Variants in PTPRM observed in about 807,000 individuals in gnomAD.
PTPRM encodes the protein receptor-type tyrosine-protein phosphatase mu.
Under a neutral mutation model 186.7 loss-of-function variants are expected in PTPRM, and 47 were observed. That is an observed-to-expected ratio of 0.25 (90% confidence interval 0.20 to 0.32). The LOEUF (loss-of-function observed/expected upper bound fraction) is 0.32, where lower values mean the gene tolerates loss of function less well. Ranked by LOEUF, PTPRM falls within the 10% of genes least tolerant of loss-of-function variation. PTPRM has a pLI of 1.00. For missense variants in PTPRM, 1,494 were observed against 1,865.0 expected (o/e 0.80, Z 3.66); for synonymous variants, 668 against 674.9 (o/e 0.99, Z 0.16).
At chr18:8,363,066 G>T (rs1371686298) in intron 23 of PTPRM, among the ~76,000 whole-genome samples, 1 of 152,222 alleles carries the variant, frequency 6.6e-6, no homozygotes, top group Non-Finnish European at 1.5e-5. Flanking sequence ...GGCTCTGCTT[G>T]TCATGCGCTT....
At position 7,839,040 on chromosome 18, in the gene PTPRM, C is replaced by G. The variant is rs138027039; in HGVS notation, c.197-49066C>G. On this transcript the variant is annotated intron_variant, in intron 2 of 32. Coordinates refer to ENST00000580170, the MANE Select transcript of PTPRM (RefSeq NM_001105244.2). Reference sequence around the variant, plus strand: ...TAAGTCAGCCTGTGGTGAATGCTGCCTTGACTCTTGGATAGCATTTCTGGA... The same window carrying G: ...TAAGTCAGCCTGTGGTGAATGCTGCGTTGACTCTTGGATAGCATTTCTGGA... 9.6e-4 allele frequency among the ~76,000 whole-genome samples: 146 copies of G among 152,242 alleles called. 1 individual carries two copies. Among genetic ancestry groups the G allele is most frequent in the African/African-American group, 3.4e-3 (141 of 41,562 alleles).
Position 7,676,032 on chromosome 18 carries a change from C to T in PTPRM, c.74-98117C>T, listed in dbSNP as rs568152177. ...GATTACAGGTGTGAGCCACTGTGCCCGGCCTTTCAGCATTTTTTTAACATT... is the reference window on the plus strand; with the variant it reads ...GATTACAGGTGTGAGCCACTGTGCCTGGCCTTTCAGCATTTTTTTAACATT... On this transcript the variant is annotated intron_variant, in intron 1 of 32. Coordinates refer to ENST00000580170, the MANE Select transcript of PTPRM (RefSeq NM_001105244.2). Among the ~76,000 whole-genome samples the T allele has an allele frequency of 1.4e-4, 22 of 152,148 alleles. No individual in the cohort carries two copies. The East Asian group carries it at 3.1e-3, about 21-fold the overall frequency.
intron 9 of PTPRM, among the ~76,000 whole-genome samples, chr18:8,077,693 G>T (rs1046742515): frequency 1.8e-4 from 28 of 152,024 alleles, no homozygotes; most frequent in Admixed American, 9.8e-4. Context: ...CCATTTTTAG[G>T]TCTCAGTTTT....
chr18:7,805,694 C>G (rs1231752169), intron 2 of PTPRM, among the ~76,000 whole-genome samples: 13 of 152,124 alleles, frequency 8.5e-5, no homozygotes, highest in Non-Finnish European at 1.3e-4. Context: ...ATGGTTTATA[C>G]TTTCCTGTAC....
At chr18:7,822,681 T>C (rs1288613700) in intron 2 of PTPRM, among the ~76,000 whole-genome samples, 1 of 152,198 alleles carries the variant, frequency 6.6e-6, no homozygotes, top group Non-Finnish European at 1.5e-5. Flanking sequence ...ACCCTTAGAA[T>C]GAATTCTCTC....
intron 14 of PTPRM, among the ~76,000 whole-genome samples, chr18:8,187,085 G>T (rs775002527): frequency 6.6e-6 from 1 of 152,000 alleles, no homozygotes; most frequent in Non-Finnish European, 1.5e-5. Context: ...GATTACAGGC[G>T]CATGCCACCA....
chr18:8,020,424 T>C (rs1174355277), intron 7 of PTPRM, among the ~76,000 whole-genome samples: 3 of 152,130 alleles, frequency 2.0e-5, no homozygotes, highest in African/African-American at 7.2e-5. Flanking sequence ...ATTTTCCTAG[T>C]CCTGTGACTG....
Position 8,376,654 on chromosome 18 carries a change from T to A in PTPRM, c.3462+57T>A, listed in dbSNP as rs1401901473. ...TGGTCCCTGGGCTCCCTCCTGCATC[T>A]CCCCATTTCAGGGCCAAGGGCACAA... On this transcript the variant is annotated intron_variant, in intron 26 of 32. Coordinates refer to ENST00000580170, the MANE Select transcript of PTPRM (RefSeq NM_001105244.2). 4.5e-6 allele frequency: 7 copies of A among 1,551,874 alleles called. No homozygotes were observed. The East Asian group carries it at 1.6e-4, about 35-fold the overall frequency.
chr18:8,057,463 T>A (rs2088093223), intron 7 of PTPRM, among the ~76,000 whole-genome samples: 1 of 148,982 alleles, frequency 6.7e-6, no homozygotes. Flanking sequence ...TTCTTTTTTT[T>A]TTATTATACT....
At chr18:7,613,548 C>G (rs1394387069) in intron 1 of PTPRM, among the ~76,000 whole-genome samples, 2 of 152,084 alleles carry the variant, frequency 1.3e-5, no homozygotes, top group African/African-American at 4.8e-5. Context: ...TGGCATGTAC[C>G]TGCAGTCTGA....
chr18:7,904,003 T>C (rs962861426), intron 3 of PTPRM, among the ~76,000 whole-genome samples: 4 of 152,238 alleles, frequency 2.6e-5, no homozygotes, highest in Non-Finnish European at 4.4e-5. Flanking sequence ...AATTACTTTG[T>C]ATCTAAAGAT....
intron 2 of PTPRM, among the ~76,000 whole-genome samples, chr18:7,800,404 A>G (rs1187636521): frequency 6.6e-6 from 1 of 152,190 alleles, no homozygotes; most frequent in Admixed American, 6.5e-5. Context: ...GGGCAATGGT[A>G]AGCTCTTACT....
chr18:8,201,681 T>C (rs1391099772), intron 14 of PTPRM, among the ~76,000 whole-genome samples: 1 of 152,160 alleles, frequency 6.6e-6, no homozygotes, highest in Admixed American at 6.5e-5. Context: ...TGCTGTGCCC[T>C]CTCGTAGAAG....
At chr18:8,348,543 G>A (rs915450058) in intron 23 of PTPRM, among the ~76,000 whole-genome samples, 28 of 152,186 alleles carry the variant, frequency 1.8e-4, no homozygotes, top group African/African-American at 6.5e-4. Context: ...GCGCTGGAAC[G>A]TGTTGTGATT....
chr18:7,727,815 T>C (rs1033390230), intron 1 of PTPRM, among the ~76,000 whole-genome samples: 14 of 152,260 alleles, frequency 9.2e-5, no homozygotes, highest in Non-Finnish European at 2.1e-4. Context: ...TTATGTTAAG[T>C]GTTTGAAAAA....
chr18:8,143,437 G>A (rs1248119310), intron 13 of PTPRM, among the ~76,000 whole-genome samples: 1 of 152,188 alleles, frequency 6.6e-6, no homozygotes, highest in Non-Finnish European at 1.5e-5. Context: ...TATCCAGCTT[G>A]TATATGGTTT....
chr18:8,295,924 ACT>A (rs1334074354), intron 19 of PTPRM, among the ~76,000 whole-genome samples: 1 of 152,170 alleles, frequency 6.6e-6, no homozygotes, highest in Non-Finnish European at 1.5e-5. Flanking sequence ...CAGCTTACCT[ACT>A]CTCATGTTTT....
At chr18:7,950,480 CT>C (rs1019033989) in intron 6 of PTPRM, among the ~76,000 whole-genome samples, 1 of 152,140 alleles carries the variant, frequency 6.6e-6, no homozygotes, top group Admixed American at 6.5e-5. Context: ...AGATAGGCAG[CT>C]TTAAAGATTG....
intron 1 of PTPRM, among the ~76,000 whole-genome samples, chr18:7,637,154 C>T (rs866056317): frequency 5.2e-5 from 7 of 133,724 alleles, no homozygotes; most frequent in South Asian, 4.7e-4. Flanking sequence ...GGTGACAGAG[C>T]GAGACCCTGA....
Sources: gnomAD v4.1 joint callset for allele counts (sites outside exome capture counted in the v4.1 genomes callset) on GRCh38, gnomAD v4.1.1 for gene constraint, MANE v1.5 for transcripts, NCBI Gene and HGNC (gene_info 2026-07-23, HGNC 2026-07-21) for gene names.